EGF: variants seen among roughly 807,000 people sequenced by gnomAD.
EGF encodes epidermal growth factor, also known as pro-epidermal growth factor.
In EGF, 95 loss-of-function variants were observed where a neutral mutation model predicts 143.8. That is an observed-to-expected ratio of 0.66 (90% CI 0.56 to 0.78). The LOEUF (loss-of-function observed/expected upper bound fraction) is 0.78, where lower values mean the gene tolerates loss of function less well. Among genes scored for constraint, EGF ranks in the 30% least tolerant of loss-of-function variants. EGF has a pLI of 0.00. For synonymous variants in EGF, 510 were observed against 510.5 expected, an observed-to-expected ratio of 1.00 and a Z score of 0.01; for missense variants, 1,320 against 1,470.9, an observed-to-expected ratio of 0.90 and a Z score of 1.68.
chr4:109,974,155 A>G (rs1748107536), intron 11 of EGF, among the ~76,000 whole-genome samples: 1 of 152,212 alleles, frequency 6.6e-6, no homozygotes, highest in South Asian at 2.1e-4. Flanking sequence ...ATACTGTGCC[A>G]TTTTATATCA....
In EGF at chr4:109,983,483, G is replaced by A. The variant is rs149396988; in HGVS notation, c.2433G>A (p.Val811=). The A allele has an allele frequency of 4.2e-3, 6,803 of 1,613,850 alleles. 23 individuals carry two copies. Among genetic ancestry groups the A allele is most frequent in the Non-Finnish European group, 5.2e-3 (6,093 of 1,179,862 alleles). The change falls in exon 16 of 24, where the codon GTG becomes GTA. Residue 811 remains valine, a synonymous_variant. Transcript: ENST00000265171. The part of the protein sequence containing the change: ...TPLDILSKTR[V]SEDNITESQH... ...TGGACATCTTGTCCAAGACTAGAGT[G>A]TCAGAAGATAACATTACAGAATCTC...
intron 1 of EGF, among the ~76,000 whole-genome samples, chr4:109,936,015 G>T (rs915423675): frequency 6.6e-6 from 1 of 151,858 alleles, no homozygotes; most frequent in South Asian, 2.1e-4. Context: ...TCTTTTTTTT[G>T]TTGTGTCTCT....
rs1280181255 is a variant in EGF, at chr4:110,008,184, G to A, written c.3324G>A (p.Lys1108=). The change falls in exon 23 of 24, where the codon AAG becomes AAA. Residue 1108 remains lysine (K), a synonymous_variant. Coordinates refer to ENST00000265171, the MANE Select transcript of EGF (RefSeq NM_001963.6). The part of the protein sequence containing the change: ...FVVIKEHQDL[K]NGGQPVAGED... Reference sequence around the variant, plus strand: ...TTATAAAAGAACACCAAGACCTCAAGAATGGGGGTCAACCAGTGGCTGGTG... The same window carrying A: ...TTATAAAAGAACACCAAGACCTCAAAAATGGGGGTCAACCAGTGGCTGGTG... 1 of 1,614,026 alleles carries A rather than the reference G, an allele frequency of 6.2e-7. No individual in the cohort carries two copies. The highest frequency in any genetic ancestry group is 1.3e-5 in the African/African-American group (1 of 75,030).
intron 23 of EGF, 143 bp downstream of exon 23, chr4:110,008,373 T>C (rs1389403898): frequency 1.9e-6 from 2 of 1,057,174 alleles, no homozygotes; most frequent in African/African-American, 1.6e-5. Context: ...AGCTGGGCTG[T>C]ATTGAAATGC....
Position 109,963,280 on chromosome 4 carries a change from A to T in EGF, c.1420A>T (p.Lys474Ter). 6.2e-7 allele frequency: 1 copy of T among 1,614,028 alleles called. No individual in the cohort carries two copies. Among genetic ancestry groups the T allele is most frequent in the South Asian group, 1.1e-5 (1 of 91,078 alleles). ...TGGGTATGACCTACAACTGGATGAA[A>T]AAAGCTGTGCAGCTTCAGGTTAGTG... is the stretch of plus-strand genomic sequence containing the variant. ...FPGYDLQLDE[K>*]SCAASGPQPF... Residue 474 changes from lysine to a stop codon, truncating the protein, a stop_gained, in exon 9 of 24, where the codon AAA (lysine) becomes TAA (stop). Coordinates refer to ENST00000265171, the MANE Select transcript of EGF (RefSeq NM_001963.6). LOFTEE classifies it high-confidence loss of function.
At chr4:109,958,388 T>C (rs1221573297) in intron 5 of EGF, among the ~76,000 whole-genome samples, 1 of 152,176 alleles carries the variant, frequency 6.6e-6, no homozygotes. Flanking sequence ...AAAATCCCAA[T>C]GGTACAAAAT....
chr4:109,950,669 A>T (rs1433943626), intron 5 of EGF, among the ~76,000 whole-genome samples: 1 of 152,064 alleles, frequency 6.6e-6, no homozygotes, highest in Non-Finnish European at 1.5e-5. Flanking sequence ...CTCAAAGATG[A>T]CTTTCCTTTC....
In EGF at chr4:109,945,272, C is replaced by T. The variant is rs1742641052; in HGVS notation, c.937C>T (p.Pro313Ser). 2 of 1,613,258 alleles carry T rather than the reference C, an allele frequency of 1.2e-6. No individual in the cohort carries two copies. The highest frequency in any genetic ancestry group is 1.7e-6 in the Non-Finnish European group (2 of 1,179,480). The change falls in exon 5 of 24, where the codon CCT becomes TCT. Residue 313 changes from proline to serine, a missense_variant. Physicochemically the swap from Pro to Ser is moderately conservative, Grantham distance 74 (BLOSUM62 -1). Around this residue, in one of 5 missense-constraint regions of EGF, gnomAD observed 1,186 missense variants for 1,313.7 expected, o/e 0.90. Coordinates refer to ENST00000265171, the MANE Select transcript of EGF (RefSeq NM_001963.6). Reference protein sequence around the residue: ...QPKAEDDTWEPEQKLCKLRKG... With the variant: ...QPKAEDDTWESEQKLCKLRKG... ...CAAGGCAGAAGATGACACTTGGGAG[C>T]CTGGTGAGTCATCGTTGACCTTGCG...
intron 2 of EGF, among the ~76,000 whole-genome samples, chr4:109,941,961 A>G (rs1473595727): frequency 6.6e-6 from 1 of 152,248 alleles, no homozygotes; most frequent in Non-Finnish European, 1.5e-5. Context: ...TTAAGAGTTG[A>G]TTCTCAATGC....
intron 21 of EGF, 78 bp downstream of exon 21, chr4:109,999,924 A>G: frequency 6.3e-7 from 1 of 1,588,230 alleles, no homozygotes; most frequent in Non-Finnish European, 8.6e-7. Flanking sequence ...TTGAGATGAG[A>G]TGTATGAAAT....
chr4:109,913,350 TATC>T lies in EGF; in HGVS notation c.18_20del (p.Ile7del). 1 of 1,613,918 alleles carries T rather than the reference TATC, an allele frequency of 6.2e-7. No homozygotes were observed. Among genetic ancestry groups the T allele is most frequent in the Middle Eastern group, 1.7e-4 (1 of 6,058 alleles). On this transcript the variant is annotated inframe_deletion, in exon 1 of 24. Transcript: ENST00000265171. ...TCATCAAGATTATGCTGCTCACTCTTATCATTCTGTTGCCAGTAGTTTCAAAAT... is the reference window on the plus strand; with the variant it reads ...TCATCAAGATTATGCTGCTCACTCTTATTCTGTTGCCAGTAGTTTCAAAAT...
In EGF at chr4:110,011,665, G is replaced by GGAGA. The variant is rs1754012666; in HGVS notation, c.*211_*214dup. On this transcript the variant is annotated 3_prime_UTR_variant, in exon 24 of 24. Transcript: ENST00000265171. ...GTCTTATTTCCAAGTAAGAGTACTG[G>GGAGA]GAGAATCACTAGGTAACTTATTAGA... 1 of 728,364 alleles carries GGAGA rather than the reference G, an allele frequency of 1.4e-6. No individual in the cohort carries two copies. Among genetic ancestry groups the GGAGA allele is most frequent in the Non-Finnish European group, 2.2e-6 (1 of 458,220 alleles). 45.1% of individuals were successfully genotyped at this position (728,364 alleles called of 1,614,324 possible).
chr4:110,004,223 C>G (rs192567484), intron 21 of EGF: 239 of 415,756 alleles, frequency 5.7e-4, no homozygotes, highest in Middle Eastern at 1.5e-3. Flanking sequence ...CATACACACA[C>G]ACACACACAC....
chr4:109,937,544 G>T (rs1387549006), intron 1 of EGF, among the ~76,000 whole-genome samples: 7 of 152,062 alleles, frequency 4.6e-5, no homozygotes, highest in Non-Finnish European at 8.8e-5. Flanking sequence ...TACATTTAAG[G>T]TTAATATTGT....
At chr4:109,938,680 T>A (rs974966165) in intron 1 of EGF, among the ~76,000 whole-genome samples, 1 of 152,258 alleles carries the variant, frequency 6.6e-6, no homozygotes, top group Non-Finnish European at 1.5e-5. Flanking sequence ...TTGATGCTGG[T>A]GACCTACGGA....
intron 1 of EGF, among the ~76,000 whole-genome samples, chr4:109,917,703 C>T (rs1356248538): frequency 6.6e-6 from 1 of 152,136 alleles, no homozygotes; most frequent in African/African-American, 2.4e-5. Context: ...TCACTGCAAC[C>T]TCCGCCTCCC....
intron 1 of EGF, among the ~76,000 whole-genome samples, chr4:109,931,480 A>G (rs1164110083): frequency 6.6e-6 from 1 of 152,164 alleles, no homozygotes; most frequent in Non-Finnish European, 1.5e-5. Flanking sequence ...GTGGAGTTGG[A>G]AGTGTACTAG....
chr4:109,987,851 C>T lies in EGF; in HGVS notation c.2599C>T (p.Leu867=). ...CLKGFAGDGK[L]CSDIDECEMG... ...GAAAGGATTTGCTGGGGATGGAAAA[C>T]TATGTTCTGGTAAGAGAAAAGGGCA... Residue 867 remains leucine (L), a synonymous_variant, in exon 17 of 24, where the codon CTA becomes TTA. Coordinates refer to ENST00000265171, the MANE Select transcript of EGF (RefSeq NM_001963.6). 1 of 1,613,164 alleles carries T rather than the reference C, an allele frequency of 6.2e-7. No individual in the cohort carries two copies. The highest frequency in any genetic ancestry group is 1.1e-5 in the South Asian group (1 of 91,064).
chr4:109,977,746 G>T (rs1748720937), intron 13 of EGF, among the ~76,000 whole-genome samples: 1 of 152,152 alleles, frequency 6.6e-6, no homozygotes, highest in South Asian at 2.1e-4. Flanking sequence ...AGGCTGAGGT[G>T]AAAAGATCAC....
Sources: gnomAD v4.1 joint callset for allele counts (sites outside exome capture counted in the v4.1 genomes callset) on GRCh38, gnomAD v4.1.1 for gene constraint, gnomAD v4.1.1 regional missense constraint, MANE v1.5 for transcripts, NCBI Gene and HGNC (gene_info 2026-07-23, HGNC 2026-07-21) for gene names.